The following RIMS4 variants were observed in gnomAD, a reference collection of about 807,000 sequenced individuals.
RIMS4 encodes regulating synaptic membrane exocytosis 4, also known as regulating synaptic membrane exocytosis protein 4.
Under a neutral mutation model 29.0 loss-of-function variants are expected in RIMS4, and 9 were observed. The observed-to-expected ratio is 0.31, with a 90% CI of 0.19 to 0.54. The LOEUF (loss-of-function observed/expected upper bound fraction) is 0.54, where lower values mean the gene tolerates loss of function less well. Among genes scored for constraint, RIMS4 ranks in the 20% least tolerant of loss-of-function variants. The pLI is 0.94. For synonymous variants in RIMS4, 130 were observed against 152.9 expected, an observed-to-expected ratio of 0.85 and a Z score of 1.10; for missense variants, 193 against 365.7, an observed-to-expected ratio of 0.53 and a Z score of 3.85.
intron 1 of RIMS4, among the ~76,000 whole-genome samples, chr20:44,794,862 A>G (rs2066247915): frequency 6.6e-6 from 1 of 152,240 alleles, no homozygotes; most frequent in South Asian, 2.1e-4. Flanking sequence ...AAAGGGAGCC[A>G]TCTCTGGGTC....
At chr20:44,757,947 TGGGCTCTA>T in intron 3 of RIMS4, 117 bp downstream of exon 3, 1 of 942,290 alleles carries the variant, frequency 1.1e-6, no homozygotes, top group South Asian at 1.5e-5. Flanking sequence ...GAGTGTGCCC[TGGGCTCTA>T]GGCGGCATGC....
chr20:44,797,449 T>C (rs1226650090), intron 1 of RIMS4, among the ~76,000 whole-genome samples: 2 of 152,224 alleles, frequency 1.3e-5, no homozygotes, highest in Admixed American at 1.3e-4. Flanking sequence ...CAGTTGCCCT[T>C]GCTTGGGTTA....
intron 1 of RIMS4, among the ~76,000 whole-genome samples, chr20:44,785,230 C>CTT (rs530864017): frequency 9.1e-5 from 13 of 142,888 alleles, no homozygotes; most frequent in Admixed American, 2.1e-4. Context: ...CATTCTTCTT[C>CTT]TTTTTTTTTT....
intron 1 of RIMS4, among the ~76,000 whole-genome samples, chr20:44,774,422 G>T (rs2066150882): frequency 6.6e-6 from 1 of 152,098 alleles, no homozygotes; most frequent in Non-Finnish European, 1.5e-5. Flanking sequence ...CATCTAATCG[G>T]CTGCCAGCAT....
intron 1 of RIMS4, among the ~76,000 whole-genome samples, chr20:44,789,558 G>T (rs1346788393): frequency 2.6e-5 from 4 of 152,098 alleles, no homozygotes; most frequent in Non-Finnish European, 4.4e-5. Flanking sequence ...CACAATATGA[G>T]AATTTCTTAT....
rs2066048369 is a variant in RIMS4 at position 44,754,262 on chromosome 20, T to C, written c.*1872A>G. On this transcript the variant is annotated 3_prime_UTR_variant, in exon 6 of 6. Transcript: ENST00000372851. ...CTCCTGGGTAAAGGGGGCGTCTCCATCTCCCCTTCCCAGTGCAGGGTAAGC... is the reference window on the plus strand; with the variant it reads ...CTCCTGGGTAAAGGGGGCGTCTCCACCTCCCCTTCCCAGTGCAGGGTAAGC... 6.5e-6 allele frequency: 1 copy of C among 153,094 alleles called. No homozygotes were observed. The highest frequency in any genetic ancestry group is 2.4e-5 in the African/African-American group (1 of 41,444). The allele number at this position is 153,094 out of a possible 1,614,324, so 9.5% of individuals were successfully genotyped here. A position where few individuals can be genotyped will look rare whatever the true frequency, so the allele number is the denominator to read the frequency against.
chr20:44,776,706 C>A (rs1158736532), intron 1 of RIMS4, among the ~76,000 whole-genome samples: 1 of 152,192 alleles, frequency 6.6e-6, no homozygotes, highest in Non-Finnish European at 1.5e-5. Flanking sequence ...CCTAGGTGGG[C>A]TGGGACACAC....
chr20:44,779,330 C>G (rs1227819683), intron 1 of RIMS4, among the ~76,000 whole-genome samples: 1 of 152,212 alleles, frequency 6.6e-6, no homozygotes, highest in Non-Finnish European at 1.5e-5. Context: ...TTACAAAGTT[C>G]TACGGAACCA....
At chr20:44,772,932 C>T in intron 1 of RIMS4, among the ~76,000 whole-genome samples, 1 of 152,320 alleles carries the variant, frequency 6.6e-6, no homozygotes, top group African/African-American at 2.4e-5. Context: ...TTCCTCCCTG[C>T]CTCTAAGAAT....
At chr20:44,760,302 T>G (rs2066078595) in intron 2 of RIMS4, among the ~76,000 whole-genome samples, 1 of 152,068 alleles carries the variant, frequency 6.6e-6, no homozygotes, top group Non-Finnish European at 1.5e-5. Flanking sequence ...TCTTATTGGG[T>G]GGAGCTAAGA....
At chr20:44,766,823 G>A (rs553064605) in intron 2 of RIMS4, among the ~76,000 whole-genome samples, 1 of 152,284 alleles carries the variant, frequency 6.6e-6, no homozygotes, top group South Asian at 2.1e-4. Flanking sequence ...AACCGCCAGA[G>A]TCTGCATGCC....
Position 44,802,805 on chromosome 20 carries a change from G to T in RIMS4, c.97+7370C>A, listed in dbSNP as rs571721500. Among the ~76,000 whole-genome samples the T allele has an allele frequency of 5.3e-5, 8 of 152,162 alleles. No homozygotes were observed. In the South Asian group the frequency reaches 1.7e-3, roughly 32 times the overall value. ...ATCCTCTACAAGGCTGAGATAATTT[G>T]CCCCCTTCTCTGATCTTGTCTCTCT... On this transcript the variant is annotated intron_variant, in intron 1 of 5. Coordinates refer to ENST00000372851, the MANE Select transcript of RIMS4 (RefSeq NM_182970.4).
At chr20:44,786,999 G>A (rs1037973585) in intron 1 of RIMS4, among the ~76,000 whole-genome samples, 1 of 152,220 alleles carries the variant, frequency 6.6e-6, no homozygotes, top group African/African-American at 2.4e-5. Flanking sequence ...GGAGAGGCAA[G>A]CAAACATCAA....
intron 1 of RIMS4, 112 bp from the exon 2 acceptor site, chr20:44,771,525 C>T: frequency 8.4e-7 from 1 of 1,194,684 alleles, no homozygotes; most frequent in Non-Finnish European, 1.2e-6. Context: ...TGTCCAGCTT[C>T]AGCCTCCACC....
chr20:44,777,412 G>A (rs2066164874), intron 1 of RIMS4, among the ~76,000 whole-genome samples: 1 of 152,138 alleles, frequency 6.6e-6, no homozygotes, highest in South Asian at 2.1e-4. Context: ...TATGAAAACA[G>A]ATTCTATTGT....
Position 44,756,236 on chromosome 20 carries a change from G to A in RIMS4, c.708C>T (p.Phe236=). The change falls in exon 6 of 6, where the codon TTC becomes TTT. Residue 236 remains phenylalanine, a synonymous_variant. Coordinates refer to ENST00000372851, the MANE Select transcript of RIMS4 (RefSeq NM_182970.4). This position sits in a 1 kb window ranked among gnomAD's most constrained non-coding sequence, Gnocchi z 5.9. ...CTGGGTCCACCATGGAGGAGGTGGGGAAGAGCTTGTACCAGCCCACGGCCA... is the reference window on the plus strand; with the variant it reads ...CTGGGTCCACCATGGAGGAGGTGGGAAAGAGCTTGTACCAGCCCACGGCCA... The part of the protein sequence containing the change: ...TTLAVGWYKL[F]PTSSMVDPAT... 1.9e-6 allele frequency: 3 copies of A among 1,613,916 alleles called. No homozygotes were observed. Among genetic ancestry groups the A allele is most frequent in the Non-Finnish European group, 2.5e-6 (3 of 1,179,902 alleles).
At chr20:44,764,154 C>T (rs1431008982) in intron 2 of RIMS4, among the ~76,000 whole-genome samples, 2 of 141,924 alleles carry the variant, frequency 1.4e-5, no homozygotes, top group East Asian at 2.0e-4. Flanking sequence ...ATCCATTTAT[C>T]CATCCATCCA....
chr20:44,788,702 C>G (rs891510517), intron 1 of RIMS4, among the ~76,000 whole-genome samples: 1 of 152,054 alleles, frequency 6.6e-6, no homozygotes, highest in Non-Finnish European at 1.5e-5. Flanking sequence ...TTCAAGGCTG[C>G]AGTGAGCTAT....
At chr20:44,803,724 C>T (rs1185029820) in intron 1 of RIMS4, among the ~76,000 whole-genome samples, 2 of 152,322 alleles carry the variant, frequency 1.3e-5, no homozygotes, top group South Asian at 2.1e-4. Flanking sequence ...AATAGCACAG[C>T]GTTAAATATA....
Sources: allele counts gnomAD v4.1 joint callset (sites outside exome capture counted in the v4.1 genomes callset), GRCh38; gene constraint gnomAD v4.1.1; non-coding constraint Gnocchi (gnomAD v3.1); transcripts MANE v1.5; gene names NCBI Gene and HGNC (gene_info 2026-07-23, HGNC 2026-07-21).